TCF25: variants seen among roughly 807,000 people sequenced by gnomAD.
The protein encoded by TCF25 is TCF25 ribosome quality control complex subunit, also known as ribosome quality control complex subunit TCF25.
TCF25 carries 41 observed loss-of-function variants against 83.1 expected under a neutral mutation model. That is an observed-to-expected ratio of 0.49 (90% CI 0.38 to 0.64). The LOEUF is 0.64. TCF25 is among the 30% of genes least tolerant of loss of function. TCF25 has a pLI of 0.00. For synonymous variants in TCF25, 458 were observed against 365.0 expected, an observed-to-expected ratio of 1.25 and a Z score of -2.90; for missense variants, 979 against 914.5, an observed-to-expected ratio of 1.07 and a Z score of -0.91.
chr16:89,883,207 G>A (rs2042737471), intron 1 of TCF25, 144 bp from the exon 2 acceptor site: 4 of 1,111,482 alleles, frequency 3.6e-6, no homozygotes, highest in Non-Finnish European at 5.0e-6. Context: ...ACAGTCTCGG[G>A]TTCTTGCATC....
chr16:89,874,723 C>G (rs2042040766), intron 1 of TCF25: 1 of 152,314 alleles, frequency 6.6e-6, no homozygotes, highest in Admixed American at 6.5e-5. Flanking sequence ...CCTCCCACCT[C>G]AGCCTCCTGA....
At chr16:89,902,688 CAAAAA>C (rs1300407375) in intron 12 of TCF25, among the ~76,000 whole-genome samples, 2 of 107,150 alleles carry the variant, frequency 1.9e-5, no homozygotes, top group Admixed American at 2.0e-4. Context: ...GACTCCGTCT[CAAAAA>C]AAAAGAAAAA....
chr16:89,898,711 C>T (rs780125463), intron 10 of TCF25, 56 bp from the exon 11 acceptor site: 17 of 1,612,274 alleles, frequency 1.1e-5, no homozygotes, highest in Non-Finnish European at 1.4e-5. Flanking sequence ...GGCCCACTCT[C>T]AGCCTGACGA....
At chr16:89,873,927 A>T in intron 1 of TCF25, 68 bp downstream of exon 1, 3 of 1,407,886 alleles carry the variant, frequency 2.1e-6, no homozygotes, top group Non-Finnish European at 2.8e-6. Context: ...GCGAGCGTCC[A>T]GCCGGGTCGG....
chr16:89,894,010 G>C (rs983045034), intron 7 of TCF25, 152 bp downstream of exon 7: 4 of 1,137,566 alleles, frequency 3.5e-6, no homozygotes, highest in Admixed American at 5.3e-5. Flanking sequence ...GTCTGGCCCT[G>C]TGACCAGAAG....
chr16:89,874,483 A>C (rs1431950346), intron 1 of TCF25: 1 of 152,800 alleles, frequency 6.5e-6, no homozygotes, highest in Non-Finnish European at 1.5e-5. Context: ...CTCTGCGAGC[A>C]TTCTGCTTTA....
chr16:89,906,567 G>A (rs530985136), intron 15 of TCF25, among the ~76,000 whole-genome samples: 25 of 152,316 alleles, frequency 1.6e-4, no homozygotes, highest in South Asian at 8.3e-4. Flanking sequence ...CGCGTGGTGC[G>A]GCTGCTGGGG....
chr16:89,873,976 T>TG, intron 1 of TCF25, 117 bp downstream of exon 1: 1 of 1,050,122 alleles, frequency 9.5e-7, no homozygotes, highest in Non-Finnish European at 1.2e-6. Flanking sequence ...AAGGGTGACG[T>TG]GGGTCCCAGC....
Position 89,886,037 on chromosome 16 carries a change from CGGCTGCCCTTCTCTGT to C in TCF25, c.548+79_548+94del, listed in dbSNP as rs751692004. Reference sequence around the variant, plus strand: ...CCTTCTCTGCGGCTGCCCTTCTCTGCGGCTGCCCTTCTCTGTGGCTGCCACAGAGACTTCGTGGGAG... The same window carrying C: ...CCTTCTCTGCGGCTGCCCTTCTCTGCGGCTGCCACAGAGACTTCGTGGGAG... On this transcript the variant is annotated intron_variant, in intron 4 of 17. Coordinates refer to ENST00000263346, the MANE Select transcript of TCF25 (RefSeq NM_014972.3). 5.6e-4 allele frequency: 727 copies of C among 1,309,418 alleles called. 6 individuals carry two copies. In the African/African-American group the frequency reaches 8.2e-3, roughly 15 times the overall value. 81.1% of individuals were successfully genotyped at this position (1,309,418 alleles called of 1,614,324 possible).
chr16:89,911,256 C>T lies in TCF25; in HGVS notation c.*18C>T, dbSNP rs978554434. On this transcript the variant is annotated 3_prime_UTR_variant, in exon 18 of 18. Transcript: ENST00000263346. ...GGGACTGAGCGTCCGCAGAGGTGAC[C>T]GAAAAGCCGTATGATGATGTTCCCG... 42 of 1,610,844 alleles carry T rather than the reference C, an allele frequency of 2.6e-5. No individual in the cohort carries two copies. The highest frequency in any genetic ancestry group is 4.0e-5 in the African/African-American group (3 of 74,824).
chr16:89,873,652 G>C lies in TCF25; in HGVS notation c.-16G>C. On this transcript the variant is annotated 5_prime_UTR_variant, in exon 1 of 18. Coordinates refer to ENST00000263346, the MANE Select transcript of TCF25 (RefSeq NM_014972.3). ...TTCCTTCTCCCTCTCTCCAGACGTC[G>C]TGGTCGTTCGGTCCTATGTCGCGCC... 1 of 1,558,026 alleles carries C rather than the reference G, an allele frequency of 6.4e-7. No individual in the cohort carries two copies. Among genetic ancestry groups the C allele is most frequent in the Non-Finnish European group, 8.6e-7 (1 of 1,158,034 alleles).
intron 16 of TCF25, chr16:89,909,047 G>T (rs1036818237): frequency 3.9e-6 from 5 of 1,289,536 alleles, no homozygotes; most frequent in Admixed American, 4.6e-5. Flanking sequence ...CATCTCCACC[G>T]AATGTACAAG....
At position 89,904,216 on chromosome 16, in the gene TCF25, G is replaced by A. The variant is rs757931611; in HGVS notation, c.1469+11G>A. ...CAATGCTGAAATAAGGTAAAGAGTG[G>A]CTGGTGGTGCCCATCTGTGGGTGCC... On this transcript the variant is annotated intron_variant, in intron 13 of 17. Coordinates refer to ENST00000263346, the MANE Select transcript of TCF25 (RefSeq NM_014972.3). 2.8e-5 allele frequency: 43 copies of A among 1,557,652 alleles called. 1 individual carries two copies. In the South Asian group the frequency reaches 5.1e-4, roughly 18 times the overall value.
At chr16:89,875,155 G>T (rs950634080) in intron 1 of TCF25, among the ~76,000 whole-genome samples, 2 of 152,196 alleles carry the variant, frequency 1.3e-5, no homozygotes, top group Admixed American at 1.3e-4. Flanking sequence ...ATGAGCCACT[G>T]TGCTTGGCCC....
At chr16:89,894,424 T>C (rs2043685273) in intron 7 of TCF25, among the ~76,000 whole-genome samples, 1 of 149,100 alleles carries the variant, frequency 6.7e-6, no homozygotes, top group Admixed American at 6.6e-5. Flanking sequence ...GCCGGACAGC[T>C]CCCCTTGCAA....
intron 5 of TCF25, among the ~76,000 whole-genome samples, chr16:89,888,529 G>A (rs1020243429): frequency 1.3e-5 from 2 of 150,662 alleles, no homozygotes; most frequent in Admixed American, 1.3e-4. Context: ...CAGAGGTTGC[G>A]GTGAGCTGAG....
chr16:89,906,985 C>CTGGTGTG, intron 15 of TCF25, among the ~76,000 whole-genome samples: 1 of 152,230 alleles, frequency 6.6e-6, no homozygotes, highest in Non-Finnish European at 1.5e-5. Context: ...TCCTTCCCCA[C>CTGGTGTG]CACACACTCT....
intron 2 of TCF25, among the ~76,000 whole-genome samples, chr16:89,884,323 G>A (rs1310131527): frequency 6.6e-6 from 1 of 152,194 alleles, no homozygotes; most frequent in Non-Finnish European, 1.5e-5. Flanking sequence ...AGGAATGAGA[G>A]CTGGACCTGG....
At chr16:89,910,742 C>T (rs2045491171) in intron 17 of TCF25, 79 bp downstream of exon 17, 2 of 1,486,898 alleles carry the variant, frequency 1.3e-6, no homozygotes, top group Non-Finnish European at 1.9e-6. Context: ...CTGGAGCCTC[C>T]TTGAACCAGG....
Sources: gnomAD v4.1 joint callset for allele counts (sites outside exome capture counted in the v4.1 genomes callset) on GRCh38, gnomAD v4.1.1 for gene constraint, MANE v1.5 for transcripts, NCBI Gene and HGNC (gene_info 2026-07-23, HGNC 2026-07-21) for gene names.